Variants in DNAJC10 observed in about 807,000 individuals in gnomAD.
DNAJC10 encodes the protein DnaJ heat shock protein family (Hsp40) member C10.
A neutral mutation model predicts 115.0 loss-of-function variants in DNAJC10; 101 were observed. The observed-to-expected ratio is 0.88, with a 90% CI of 0.75 to 1.04. DNAJC10 has a LOEUF of 1.04. DNAJC10 is among the 50% of genes least tolerant of loss of function. The probability of loss-of-function intolerance (pLI) is 0.00; values close to 1 mark genes in which losing one functional copy is unlikely to be tolerated. For synonymous variants in DNAJC10, 307 were observed against 301.5 expected, an observed-to-expected ratio of 1.02 and a Z score of -0.19; for missense variants, 981 against 928.8, an observed-to-expected ratio of 1.06 and a Z score of -0.73.
rs1201177181 is a variant in DNAJC10, at chr2:182,751,720, A to G, written c.1369A>G (p.Thr457Ala). The change falls in exon 15 of 24, where the codon ACG becomes GCG. Residue 457 changes from threonine to alanine, a missense_variant. Physicochemically the swap from Thr to Ala is moderately conservative, Grantham distance 58. Transcript: ENST00000264065. ...AKESVNSHVT[T>A]LGPQNFPAND... ...AGAAAGTGTGAATTCTCATGTTACC[A>G]CGCTTGGACCTCAAAATTTTCCTGC... is the stretch of plus-strand genomic sequence containing the variant. The G allele has an allele frequency of 6.2e-7, 1 of 1,613,970 alleles. No homozygotes were observed. Among genetic ancestry groups the G allele is most frequent in the Non-Finnish European group, 8.5e-7 (1 of 1,179,922 alleles).
intron 18 of DNAJC10, among the ~76,000 whole-genome samples, chr2:182,756,966 CCAA>C (rs1343504832): frequency 2.0e-5 from 3 of 152,068 alleles, no homozygotes; most frequent in Non-Finnish European, 4.4e-5. Flanking sequence ...TAAACTGTTG[CCAA>C]CAACAACCCA....
At chr2:182,740,104 C>A in intron 11 of DNAJC10, 195 bp from the exon 12 acceptor site, 1 of 988,294 alleles carries the variant, frequency 1.0e-6, no homozygotes, top group Non-Finnish European at 1.2e-6. Flanking sequence ...TAAGAAACAG[C>A]TTAGTTATAT....
At chr2:182,729,813 G>A in intron 7 of DNAJC10, 35 bp from the exon 8 acceptor site, 1 of 1,394,482 alleles carries the variant, frequency 7.2e-7, no homozygotes, top group Non-Finnish European at 9.9e-7. Flanking sequence ...AAAAGAAAAA[G>A]TAAAAGATGT....
At chr2:182,755,264 T>C (rs571569292) in intron 17 of DNAJC10, among the ~76,000 whole-genome samples, 160 bp downstream of exon 17, 6 of 152,326 alleles carry the variant, frequency 3.9e-5, no homozygotes, top group African/African-American at 1.4e-4. Context: ...TTACTCTTCT[T>C]ATATACTTGT....
intron 8 of DNAJC10, 94 bp from the exon 9 acceptor site, chr2:182,730,936 T>G: frequency 7.9e-6 from 6 of 761,606 alleles, no homozygotes; most frequent in Non-Finnish European, 1.3e-5. Context: ...TAGAAGAGGG[T>G]GAGATTAGAA....
At chr2:182,720,320 CAGTT>C (rs1027505621) in intron 4 of DNAJC10, 151 bp downstream of exon 4, 69 of 646,938 alleles carry the variant, frequency 1.1e-4, no homozygotes, top group Admixed American at 6.0e-5. Flanking sequence ...AAAGGAATGT[CAGTT>C]GGTATACAGA....
rs557866273 is a variant in DNAJC10, at chr2:182,786,475, A to C, written c.*9343A>C. 6.6e-6 allele frequency: 1 copy of C among 152,320 alleles called. No individual in the cohort carries two copies. Among genetic ancestry groups the C allele is most frequent in the African/African-American group, 2.4e-5 (1 of 41,578 alleles). The allele number at this position is 152,320 out of a possible 1,614,324, so 9.4% of individuals were successfully genotyped here. A position where few individuals can be genotyped will look rare whatever the true frequency, so the allele number is the denominator to read the frequency against. On this transcript the variant is annotated 3_prime_UTR_variant, in exon 24 of 24. Transcript: ENST00000264065. ...GGAAATAATTGACTAGAGATTGTCT[A>C]GTCAAACTAGACTGATGAGGTCTCA...
chr2:182,762,837 A>C (rs1485499060), intron 22 of DNAJC10, 36 bp downstream of exon 22: 1 of 1,593,528 alleles, frequency 6.3e-7, no homozygotes, highest in Non-Finnish European at 8.6e-7. Flanking sequence ...TTCCCTTAGT[A>C]GGCCAAGCTC....
At chr2:182,774,613 A>G (rs1335774105) in intron 22 of DNAJC10, among the ~76,000 whole-genome samples, 2 of 152,206 alleles carry the variant, frequency 1.3e-5, no homozygotes, top group Non-Finnish European at 2.9e-5. Context: ...AGACTGCTGC[A>G]CTAGCAGTGA....
rs1322709037 is a variant in DNAJC10, at chr2:182,768,607, C to T, written c.2265+5806C>T. 2.0e-5 allele frequency among the ~76,000 whole-genome samples: 3 copies of T among 152,258 alleles called. No individual in the cohort carries two copies. The East Asian group carries it at 5.8e-4, about 29-fold the overall frequency. On this transcript the variant is annotated intron_variant, in intron 22 of 23. Coordinates refer to ENST00000264065, the MANE Select transcript of DNAJC10 (RefSeq NM_018981.4). ...TAGCACATAGTTGGGGATTAGAGTT[C>T]ACACCAAGATTAAGACAACAGGTGG...
rs13414223 is a variant in DNAJC10, at chr2:182,740,350, C to T, written c.1039C>T (p.Leu347Phe). Residue 347 changes from leucine to phenylalanine, a missense_variant, in exon 12 of 24, where the codon CTT (leucine) becomes TTT (phenylalanine). Transcript: ENST00000264065. ...AATATATTTGGAAGTAATACATAAT[C>T]TTCCAGATTTTGAACTACTTTCGGC... ...KEIYLEVIHN[L>F]PDFELLSANT... 3.2e-6 allele frequency: 5 copies of T among 1,565,594 alleles called. No individual in the cohort carries two copies. In the African/African-American group the frequency reaches 6.9e-5, roughly 22 times the overall value.
chr2:182,790,922 T>G lies in DNAJC10; in HGVS notation c.*13790T>G, dbSNP rs1398114597. 1.3e-5 allele frequency: 2 copies of G among 152,196 alleles called. No homozygotes were observed. Among genetic ancestry groups the G allele is most frequent in the African/African-American group, 4.8e-5 (2 of 41,460 alleles). 9.4% of individuals were successfully genotyped at this position (152,196 alleles called of 1,614,324 possible). ...CTTTTCCTTTGCTTTATTCTCTTATTTCTTCCAAGTAACCATATTCTCTTT... is the reference window on the plus strand; with the variant it reads ...CTTTTCCTTTGCTTTATTCTCTTATGTCTTCCAAGTAACCATATTCTCTTT... On this transcript the variant is annotated 3_prime_UTR_variant, in exon 24 of 24. Transcript: ENST00000264065.
intron 11 of DNAJC10, chr2:182,740,028 T>C (rs1171618221): frequency 9.7e-7 from 1 of 1,032,376 alleles, no homozygotes; most frequent in Non-Finnish European, 1.2e-6. Flanking sequence ...AGAATACACA[T>C]CATAGTTAAT....
intron 9 of DNAJC10, among the ~76,000 whole-genome samples, chr2:182,731,397 T>G (rs1200700517): frequency 6.6e-6 from 1 of 152,084 alleles, no homozygotes; most frequent in African/African-American, 2.4e-5. Context: ...ATTTGACAAT[T>G]TGCAAAAATA....
chr2:182,777,208 C>CATTT lies in DNAJC10; in HGVS notation c.*79_*82dup. The CATTT allele has an allele frequency of 1.1e-6, 1 of 883,612 alleles. No homozygotes were observed. The highest frequency in any genetic ancestry group is 1.6e-6 in the Non-Finnish European group (1 of 611,034). The allele number at this position is 883,612 out of a possible 1,614,324, so 54.7% of individuals were successfully genotyped here. On this transcript the variant is annotated 3_prime_UTR_variant, in exon 24 of 24. Transcript: ENST00000264065. ...CAGAAGACACCTATTTAGAATGTTA[C>CATTT]ATTTATGATGGGAATGAATGAACAT... is the stretch of plus-strand genomic sequence containing the variant.
intron 5 of DNAJC10, among the ~76,000 whole-genome samples, chr2:182,725,470 A>G (rs898278166): frequency 4.6e-5 from 7 of 152,240 alleles, no homozygotes; most frequent in Non-Finnish European, 1.0e-4. Flanking sequence ...CATGGAAAGT[A>G]AACGTGCTAC....
chr2:182,731,959 C>T lies in DNAJC10; in HGVS notation c.806-540C>T, dbSNP rs1693458517. ...CATTCTCTGAGATTCTTTTACTTCT[C>T]ACCTCAAGTAAATTGCTTCTCCCTG... On this transcript the variant is annotated intron_variant, in intron 9 of 23. Coordinates refer to ENST00000264065, the MANE Select transcript of DNAJC10 (RefSeq NM_018981.4). Among the ~76,000 whole-genome samples the T allele has an allele frequency of 2.6e-5, 4 of 152,160 alleles. No individual in the cohort carries two copies. In the South Asian group the frequency reaches 6.2e-4, roughly 24 times the overall value.
In DNAJC10 at chr2:182,731,016, CTTTTAT is replaced by C. The variant is rs754213009; in HGVS notation, c.728-8_728-3del. The C allele has an allele frequency of 2.5e-5, 40 of 1,596,096 alleles. 1 individual carries two copies. The South Asian group carries it at 4.4e-4, about 18-fold the overall frequency. ...TAGGTGATCAGAATTTGCTTTTTTT[CTTTTAT>C]TTTTAAGGAAATTTTGTCAACTCCA... On this transcript the variant is annotated splice_region_variant and splice_polypyrimidine_tract_variant and intron_variant, in intron 8 of 23. Coordinates refer to ENST00000264065, the MANE Select transcript of DNAJC10 (RefSeq NM_018981.4).
chr2:182,759,622 C>A (rs1414951628), intron 21 of DNAJC10, among the ~76,000 whole-genome samples: 4 of 152,100 alleles, frequency 2.6e-5, no homozygotes, highest in Non-Finnish European at 5.9e-5. Context: ...CAGGCAGTTA[C>A]TAGATTGTGT....
Sources: allele counts gnomAD v4.1 joint callset (sites outside exome capture counted in the v4.1 genomes callset), GRCh38; gene constraint gnomAD v4.1.1; transcripts MANE v1.5; gene names NCBI Gene and HGNC (gene_info 2026-07-23, HGNC 2026-07-21).